The following PSME4 variants were observed in gnomAD, a reference collection of about 807,000 sequenced individuals.
PSME4 encodes proteasome activator complex subunit 4.
A neutral mutation model predicts 253.9 loss-of-function variants in PSME4; 89 were observed. The observed-to-expected ratio is 0.35, with a 90% CI of 0.30 to 0.42. The LOEUF (loss-of-function observed/expected upper bound fraction) is 0.42, where lower values mean the gene tolerates loss of function less well. PSME4 is among the 10% of genes least tolerant of loss of function. The pLI, the probability that PSME4 is intolerant of heterozygous loss-of-function variation, is 1.00. For missense variants in PSME4, 2,014 were observed against 2,195.2 expected (o/e 0.92, Z 1.65); for synonymous variants, 851 against 759.2 (o/e 1.12, Z -1.99).
intron 42 of PSME4, 85 bp from the exon 43 acceptor site, chr2:53,874,579 G>T: frequency 7.9e-7 from 1 of 1,260,924 alleles, no homozygotes; most frequent in Non-Finnish European, 1.1e-6. Flanking sequence ...CACAAACAAT[G>T]TAATATTCTA....
chr2:53,888,312 T>C (rs1444932653), intron 38 of PSME4: 1 of 239,108 alleles, frequency 4.2e-6, no homozygotes, highest in Non-Finnish European at 8.0e-6. Context: ...AAATTATCCA[T>C]ATTACTATTG....
At chr2:53,951,699 G>A (rs1670004545) in intron 1 of PSME4, among the ~76,000 whole-genome samples, 1 of 152,170 alleles carries the variant, frequency 6.6e-6, no homozygotes, top group African/African-American at 2.4e-5. Flanking sequence ...CAAAGGAAAT[G>A]CTCATGGAGT....
In PSME4 at chr2:53,929,202, G is replaced by T. The variant is rs1483291725; in HGVS notation, c.1317-899C>A. 2.0e-5 allele frequency among the ~76,000 whole-genome samples: 3 copies of T among 151,772 alleles called. No individual in the cohort carries two copies. In the East Asian group the frequency reaches 5.8e-4, roughly 29 times the overall value. On this transcript the variant is annotated intron_variant, in intron 10 of 46. Transcript: ENST00000404125. ...AAAAGAACATCAACTGATAGATCCTGCATGATTTCAGCCATCCTAATCTAT... is the reference window on the plus strand; with the variant it reads ...AAAAGAACATCAACTGATAGATCCTTCATGATTTCAGCCATCCTAATCTAT...
intron 24 of PSME4, 45 bp from the exon 25 acceptor site, chr2:53,906,913 T>A: frequency 6.3e-7 from 1 of 1,575,102 alleles, no homozygotes; most frequent in Non-Finnish European, 8.7e-7. Flanking sequence ...TTTCCCTAAA[T>A]GACTTCAACA....
chr2:53,961,922 G>A (rs1001820105), intron 1 of PSME4, among the ~76,000 whole-genome samples: 4 of 152,178 alleles, frequency 2.6e-5, no homozygotes, highest in Non-Finnish European at 4.4e-5. Context: ...CTCACATTCT[G>A]TATTTGTCCC....
Position 53,923,389 on chromosome 2 carries a change from T to C in PSME4, c.1840A>G (p.Thr614Ala), listed in dbSNP as rs1316732453. 1.2e-6 allele frequency: 2 copies of C among 1,609,620 alleles called. No individual in the cohort carries two copies. Among genetic ancestry groups the C allele is most frequent in the Admixed American group, 1.7e-5 (1 of 58,954 alleles). ...VALQKVFNFS[T>A]SHIFETRVAG... ...ACTCTTGTTTCAAATATATGTGAAG[T>C]AGAAAAATTAAAAACCTTCTGAAGG... The change falls in exon 15 of 47, where the codon ACT becomes GCT. Residue 614 changes from threonine (T) to alanine (A), a missense_variant. Thr to Ala is a moderately conservative substitution (Grantham distance 58). Coordinates refer to ENST00000404125, the MANE Select transcript of PSME4 (RefSeq NM_014614.3).
chr2:53,936,113 T>G lies in PSME4; in HGVS notation c.808A>C (p.Ile270Leu). Residue 270 changes from isoleucine (I) to leucine (L), a missense_variant, in exon 7 of 47, where the codon ATA becomes CTA. Around this residue, in one of 4 missense-constraint regions of PSME4, gnomAD observed 615 missense variants for 594.4 expected, o/e 1.03. Transcript: ENST00000404125. ...TTTGGTACATATGGATCCCAATCTATGTACCCTATATTATCTGTAGCCAAT... is the reference window on the plus strand; with the variant it reads ...TTTGGTACATATGGATCCCAATCTAGGTACCCTATATTATCTGTAGCCAAT... ...ARLATDNIGYIDWDPYVPKIF... is the reference protein window; with the variant it reads ...ARLATDNIGYLDWDPYVPKIF... The G allele has an allele frequency of 6.2e-7, 1 of 1,613,236 alleles. No individual in the cohort carries two copies.
At chr2:53,884,920 G>A (rs537533440) in intron 41 of PSME4, among the ~76,000 whole-genome samples, 3 of 152,188 alleles carry the variant, frequency 2.0e-5, no homozygotes, top group Admixed American at 6.5e-5. Context: ...ATTTCCTAAC[G>A]ACAAAATATA....
At position 53,874,560 on chromosome 2, in the gene PSME4, G is replaced by A. The variant is rs180710493; in HGVS notation, c.4945-66C>T. ...ACAAGAACATGAGATGACAGATAGT[G>A]ACATTACACACAAACAATGTAATAT... On this transcript the variant is annotated intron_variant, in intron 42 of 46. Transcript: ENST00000404125. 146 of 1,389,624 alleles carry A rather than the reference G, an allele frequency of 1.1e-4. No individual in the cohort carries two copies. The African/African-American group carries it at 1.9e-3, about 18-fold the overall frequency. The allele number at this position is 1,389,624 out of a possible 1,614,324, so 86.1% of individuals were successfully genotyped here. A position where few individuals can be genotyped will look rare whatever the true frequency, so the allele number is the denominator to read the frequency against.
intron 14 of PSME4, 106 bp from the exon 15 acceptor site, chr2:53,923,525 C>T: frequency 3.0e-6 from 4 of 1,340,250 alleles, no homozygotes; most frequent in Non-Finnish European, 3.9e-6. Context: ...CAAAAATAAG[C>T]CCATAGGCAA....
At chr2:53,923,268 A>C in intron 15 of PSME4, 53 bp downstream of exon 15, 1 of 1,537,046 alleles carries the variant, frequency 6.5e-7, no homozygotes, top group South Asian at 1.2e-5. Context: ...TTAACCATAT[A>C]AACTAGTTGA....
At chr2:53,932,825 G>A in intron 8 of PSME4, 65 bp from the exon 9 acceptor site, 2 of 1,253,222 alleles carry the variant, frequency 1.6e-6, no homozygotes, top group Non-Finnish European at 1.2e-6. Flanking sequence ...AGGTCAACAG[G>A]CCCAAGCCTA....
intron 36 of PSME4, among the ~76,000 whole-genome samples, chr2:53,892,334 T>C (rs1679947385): frequency 1.3e-5 from 2 of 152,100 alleles, no homozygotes; most frequent in Non-Finnish European, 2.9e-5. Context: ...AACTATATCT[T>C]ACAATTAAAA....
intron 44 of PSME4, 50 bp from the exon 45 acceptor site, chr2:53,866,930 C>T (rs1391813377): frequency 3.3e-6 from 5 of 1,535,318 alleles, no homozygotes; most frequent in East Asian, 2.3e-5. Context: ...GTCTCTAATG[C>T]ACTTGTTACA....
At chr2:53,955,320 T>G (rs1670181937) in intron 1 of PSME4, among the ~76,000 whole-genome samples, 1 of 152,228 alleles carries the variant, frequency 6.6e-6, no homozygotes, top group Admixed American at 6.5e-5. Context: ...TGGCCCAGGA[T>G]TGTTTTGAAT....
chr2:53,882,245 C>A (rs1414691154), intron 41 of PSME4, among the ~76,000 whole-genome samples: 1 of 152,136 alleles, frequency 6.6e-6, no homozygotes, highest in African/African-American at 2.4e-5. Flanking sequence ...AAGATGTTCA[C>A]TGTATCATTA....
intron 1 of PSME4, among the ~76,000 whole-genome samples, chr2:53,963,735 A>G (rs1234024189): frequency 6.6e-6 from 1 of 152,260 alleles, no homozygotes; most frequent in Non-Finnish European, 1.5e-5. Flanking sequence ...ACTCAGAAGT[A>G]AAATCACAAA....
At chr2:53,954,108 T>G (rs1275791933) in intron 1 of PSME4, among the ~76,000 whole-genome samples, 1 of 152,096 alleles carries the variant, frequency 6.6e-6, no homozygotes, top group African/African-American at 2.4e-5. Context: ...GGCAGGCAGA[T>G]CACGAGGTCA....
intron 3 of PSME4, among the ~76,000 whole-genome samples, chr2:53,947,402 C>T (rs1236625702): frequency 1.3e-5 from 2 of 152,110 alleles, no homozygotes; most frequent in African/African-American, 4.8e-5. Flanking sequence ...GAGAATGGTG[C>T]TCTTCAAGAA....
Sources: gnomAD v4.1 joint callset for allele counts (sites outside exome capture counted in the v4.1 genomes callset) on GRCh38, gnomAD v4.1.1 for gene constraint, gnomAD v4.1.1 regional missense constraint, MANE v1.5 for transcripts, NCBI Gene and HGNC (gene_info 2026-07-23, HGNC 2026-07-21) for gene names.